The following DENND1A variants were observed in gnomAD, a reference collection of about 807,000 sequenced individuals.
DENND1A encodes the protein DENN domain containing 1A.
DENND1A carries 51 observed loss-of-function variants against 113.7 expected under a neutral mutation model. The ratio of observed to expected loss-of-function variants is 0.45; its 90% CI spans 0.36 to 0.57. The LOEUF is 0.57. Ranked by LOEUF, DENND1A falls within the 20% of genes least tolerant of loss-of-function variation. The pLI is 0.00. For synonymous variants in DENND1A, 565 were observed against 570.8 expected (o/e 0.99, Z 0.14); for missense variants, 1,258 against 1,395.9 (o/e 0.90, Z 1.57).
chr9:123,769,479 T>G (rs748169891), intron 4 of DENND1A, 35 bp downstream of exon 4: 49 of 1,567,468 alleles, frequency 3.1e-5, no homozygotes, highest in Non-Finnish European at 4.2e-5. Context: ...TTATTGATAC[T>G]TTTTTTCTAG....
At chr9:123,561,032 C>A (rs953562570) in intron 12 of DENND1A, among the ~76,000 whole-genome samples, 11 of 152,090 alleles carry the variant, frequency 7.2e-5, no homozygotes, top group African/African-American at 2.7e-4. Flanking sequence ...CCCCTGCCCC[C>A]AAAATAAAAA....
chr9:123,526,527 C>T (rs995105457), intron 13 of DENND1A, among the ~76,000 whole-genome samples: 1 of 152,346 alleles, frequency 6.6e-6, no homozygotes, highest in Middle Eastern at 3.4e-3. Flanking sequence ...TTCCCTCTCC[C>T]CCAGCCACAA....
chr9:123,644,861 T>C (rs1037799749), intron 9 of DENND1A, among the ~76,000 whole-genome samples: 4 of 152,204 alleles, frequency 2.6e-5, no homozygotes, highest in African/African-American at 7.2e-5. Flanking sequence ...ATCTATCTTC[T>C]AGGAATGCTG....
At chr9:123,700,719 C>G (rs972915276) in intron 5 of DENND1A, among the ~76,000 whole-genome samples, 2 of 152,126 alleles carry the variant, frequency 1.3e-5, no homozygotes, top group Admixed American at 1.3e-4. Flanking sequence ...TTTAAAATAC[C>G]TTCACAGTAC....
At chr9:123,728,609 C>G (rs900331975) in intron 5 of DENND1A, among the ~76,000 whole-genome samples, 3 of 146,646 alleles carry the variant, frequency 2.0e-5, no homozygotes, top group Non-Finnish European at 4.5e-5. Flanking sequence ...GGTCAAGAAA[C>G]TAGAAGAGCA....
intron 4 of DENND1A, 80 bp from the exon 5 acceptor site, chr9:123,757,902 G>T: frequency 1.4e-6 from 2 of 1,440,184 alleles, no homozygotes; most frequent in Admixed American, 1.9e-5. Flanking sequence ...ATGAGTCGTT[G>T]AACTTATAAC....
Position 123,754,038 on chromosome 9 carries a change from T to G in DENND1A, c.302+3665A>C, listed in dbSNP as rs191096931. Among the ~76,000 whole-genome samples the G allele has an allele frequency of 3.8e-3, 580 of 152,304 alleles. 3 individuals carry two copies. The highest frequency in any genetic ancestry group is 0.01 in the South Asian group (50 of 4,820). ...GCTACGTCTGCACAGATGCCATAAC[T>G]GAGAGCTACATCCCTTGAGAAGAAA... is the stretch of plus-strand genomic sequence containing the variant. On this transcript the variant is annotated intron_variant, in intron 5 of 23. Transcript: ENST00000394215.
chr9:123,809,089 A>G (rs1280403932), intron 2 of DENND1A, among the ~76,000 whole-genome samples: 1 of 152,210 alleles, frequency 6.6e-6, no homozygotes, highest in Non-Finnish European at 1.5e-5. Flanking sequence ...AGGCAACAGG[A>G]GGAACCCATT....
At chr9:123,559,732 T>C (rs1198971965) in intron 12 of DENND1A, among the ~76,000 whole-genome samples, 1 of 152,234 alleles carries the variant, frequency 6.6e-6, no homozygotes, top group Non-Finnish European at 1.5e-5. Flanking sequence ...CGGTGGTTTT[T>C]AGTGTAGTCA....
intron 11 of DENND1A, among the ~76,000 whole-genome samples, chr9:123,595,843 C>T (rs920515563): frequency 6.6e-6 from 1 of 152,130 alleles, no homozygotes; most frequent in Non-Finnish European, 1.5e-5. Flanking sequence ...TCTGCCAGTC[C>T]TCCTAGCAAT....
chr9:123,417,440 G>A (rs1424638094), intron 19 of DENND1A, among the ~76,000 whole-genome samples: 1 of 152,216 alleles, frequency 6.6e-6, no homozygotes, highest in Non-Finnish European at 1.5e-5. Flanking sequence ...GTTAGAGAAG[G>A]ATTATTTCCC....
intron 3 of DENND1A, among the ~76,000 whole-genome samples, chr9:123,770,945 G>GT (rs1465261519): frequency 5.9e-5 from 9 of 152,232 alleles, no homozygotes; most frequent in African/African-American, 2.2e-4. Context: ...GACTTGCTCT[G>GT]CCAGAGCATG....
chr9:123,384,044 G>A lies in DENND1A; in HGVS notation c.1761-131C>T, dbSNP rs1588251881. ...CCTGCGGGACAGGAGAGTGTCCCGG[G>A]GTCTCCGTGAGGGCAGGAGTCTGGG... On this transcript the variant is annotated intron_variant, in intron 22 of 23. Coordinates refer to ENST00000394215, the MANE Select transcript of DENND1A (RefSeq NM_001352964.2). 19 of 1,251,626 alleles carry A rather than the reference G, an allele frequency of 1.5e-5. No individual in the cohort carries two copies. In the East Asian group the frequency reaches 4.7e-4, roughly 31 times the overall value. The allele number at this position is 1,251,626 out of a possible 1,614,324, so 77.5% of individuals were successfully genotyped here.
chr9:123,525,251 T>C (rs2054726683), intron 13 of DENND1A, among the ~76,000 whole-genome samples: 1 of 152,200 alleles, frequency 6.6e-6, no homozygotes, highest in Non-Finnish European at 1.5e-5. Context: ...AGCAGCCCTC[T>C]TCAGAGAGAA....
chr9:123,655,332 G>C (rs1318090667), intron 8 of DENND1A, among the ~76,000 whole-genome samples: 1 of 152,192 alleles, frequency 6.6e-6, no homozygotes, highest in Admixed American at 6.5e-5. Context: ...CAATGGCTGA[G>C]GGTGCTGGTC....
intron 13 of DENND1A, among the ~76,000 whole-genome samples, chr9:123,541,094 T>C (rs541940263): frequency 2.6e-5 from 4 of 152,352 alleles, no homozygotes; most frequent in African/African-American, 9.6e-5. Context: ...CTTCCTAAGG[T>C]AGAAGAGATT....
intron 12 of DENND1A, among the ~76,000 whole-genome samples, chr9:123,561,373 C>T (rs1243597990): frequency 6.6e-6 from 1 of 152,206 alleles, no homozygotes; most frequent in Non-Finnish European, 1.5e-5. Context: ...GTCCTGGGCT[C>T]CTGATGCCCC....
chr9:123,711,114 A>G (rs903544841), intron 5 of DENND1A, among the ~76,000 whole-genome samples: 2 of 152,184 alleles, frequency 1.3e-5, no homozygotes, highest in Admixed American at 6.5e-5. Context: ...TACAATATAT[A>G]CATGTATCAA....
intron 5 of DENND1A, chr9:123,736,551 A>T (rs546622286): frequency 6.6e-6 from 1 of 152,212 alleles, no homozygotes; most frequent in Admixed American, 6.5e-5. Context: ...AAAAGTGATG[A>T]CAATGCTGAT....
Sources: gnomAD v4.1 joint callset for allele counts (sites outside exome capture counted in the v4.1 genomes callset) on GRCh38, gnomAD v4.1.1 for gene constraint, MANE v1.5 for transcripts, NCBI Gene and HGNC (gene_info 2026-07-23, HGNC 2026-07-21) for gene names.